Variants in MROH9 observed in about 807,000 individuals in gnomAD.
MROH9 encodes the protein maestro heat-like repeat-containing protein family member 9.
In MROH9, 92 loss-of-function variants were observed where a neutral mutation model predicts 98.2. The observed-to-expected ratio is 0.94, with a 90% CI of 0.79 to 1.11. MROH9 has a LOEUF of 1.11. MROH9 is among the 50% of genes most tolerant of loss of function. MROH9 has a pLI of 0.00. For synonymous variants in MROH9, 397 were observed against 368.9 expected (o/e 1.08, Z -0.87); for missense variants, 1,057 against 1,014.8 (o/e 1.04, Z -0.57).
intron 9 of MROH9, among the ~76,000 whole-genome samples, chr1:170,986,200 C>T (rs1432143007): frequency 6.6e-6 from 1 of 152,164 alleles, no homozygotes; most frequent in African/African-American, 2.4e-5. Context: ...CCCTTGACTT[C>T]CTCACTCTGT....
intron 13 of MROH9, 110 bp downstream of exon 13, chr1:170,995,641 G>A: frequency 1.6e-6 from 2 of 1,214,266 alleles, no homozygotes; most frequent in East Asian, 2.5e-5. Flanking sequence ...TGTGCGGTGT[G>A]TTCATTTATT....
intron 20 of MROH9, among the ~76,000 whole-genome samples, chr1:171,056,249 A>G (rs1653833516): frequency 2.0e-5 from 3 of 152,174 alleles, no homozygotes; most frequent in Admixed American, 1.3e-4. Context: ...CTCCTTGGGC[A>G]GGGGAAGTGT....
intron 1 of MROH9, among the ~76,000 whole-genome samples, chr1:170,937,474 A>G (rs1455890497): frequency 6.6e-6 from 1 of 151,868 alleles, no homozygotes; most frequent in African/African-American, 2.4e-5. Flanking sequence ...CATAATTATT[A>G]CAGTCTTCAT....
intron 20 of MROH9, among the ~76,000 whole-genome samples, chr1:171,030,482 T>C (rs1232843981): frequency 6.6e-6 from 1 of 152,146 alleles, no homozygotes; most frequent in Admixed American, 6.6e-5. Context: ...TTCCGGTACA[T>C]TGTCCCATGT....
At chr1:171,017,049 T>G (rs915088945) in intron 17 of MROH9, among the ~76,000 whole-genome samples, 1 of 152,222 alleles carries the variant, frequency 6.6e-6, no homozygotes, top group African/African-American at 2.4e-5. Flanking sequence ...AGCACAGTAT[T>G]ATTAAATTAT....
intron 12 of MROH9, among the ~76,000 whole-genome samples, chr1:170,994,340 A>C (rs933581066): frequency 1.6e-4 from 25 of 152,170 alleles, no homozygotes; most frequent in Admixed American, 1.1e-3. Context: ...TGCTGTTAGT[A>C]TACCTAAGTG....
At chr1:171,037,366 A>G (rs1653137042) in intron 20 of MROH9, among the ~76,000 whole-genome samples, 1 of 151,826 alleles carries the variant, frequency 6.6e-6, no homozygotes, top group East Asian at 1.9e-4. Flanking sequence ...AAGGAAGGAT[A>G]GACAGAAGAA....
chr1:170,992,098 G>A (rs1651377504), intron 11 of MROH9, 66 bp from the exon 12 acceptor site: 1 of 1,447,950 alleles, frequency 6.9e-7, no homozygotes, highest in Non-Finnish European at 9.1e-7. Flanking sequence ...CCTGATTCTT[G>A]TTATTCTATC....
At chr1:170,990,118 T>A in intron 11 of MROH9, 115 bp downstream of exon 11, 1 of 1,109,524 alleles carries the variant, frequency 9.0e-7, no homozygotes, top group Non-Finnish European at 1.2e-6. Context: ...TTCTTTTTTC[T>A]GAAAGAGAAA....
intron 3 of MROH9, among the ~76,000 whole-genome samples, chr1:170,948,441 T>C (rs1183714003): frequency 6.6e-6 from 1 of 152,074 alleles, no homozygotes; most frequent in Non-Finnish European, 1.5e-5. Flanking sequence ...CCATATTCTA[T>C]TAAACAGGGT....
chr1:171,005,685 T>G (rs1294448568), intron 15 of MROH9, among the ~76,000 whole-genome samples: 1 of 152,178 alleles, frequency 6.6e-6, no homozygotes, highest in Non-Finnish European at 1.5e-5. Flanking sequence ...TCATTATGGT[T>G]TTTTTTACAT....
intron 8 of MROH9, among the ~76,000 whole-genome samples, chr1:170,973,451 T>A (rs922338845): frequency 4.6e-5 from 7 of 151,976 alleles, no homozygotes; most frequent in African/African-American, 1.2e-4. Context: ...TAAAACAAGA[T>A]CTAAAAGTAT....
chr1:170,955,859 C>T lies in MROH9; in HGVS notation c.73-2602C>T, dbSNP rs542402657. Reference sequence around the variant, plus strand: ...TTTATCTTTGTTTTTATTGCATTTGCTTTTGGGTTCTTGGTCATGAAATTT... The same window carrying T: ...TTTATCTTTGTTTTTATTGCATTTGTTTTTGGGTTCTTGGTCATGAAATTT... On this transcript the variant is annotated intron_variant, in intron 3 of 21. Transcript: ENST00000367759. Among the ~76,000 whole-genome samples, 5 of 152,254 alleles carry T rather than the reference C, an allele frequency of 3.3e-5. No individual in the cohort carries two copies. The East Asian group carries it at 9.6e-4, about 29-fold the overall frequency.
intron 15 of MROH9, chr1:170,998,874 C>T (rs1375322803): frequency 8.7e-6 from 4 of 459,178 alleles, no homozygotes; most frequent in Non-Finnish European, 1.1e-5. Flanking sequence ...GTGAAGTGCC[C>T]AATACTTTCA....
At chr1:170,955,329 T>G (rs1361256498) in intron 3 of MROH9, among the ~76,000 whole-genome samples, 1 of 152,146 alleles carries the variant, frequency 6.6e-6, no homozygotes, top group African/African-American at 2.4e-5. Context: ...TGTGGGTAGA[T>G]ACCCAGTAGT....
rs1399961953 is a variant in MROH9, at chr1:170,986,590, GCTGA to G, written c.766_769del (p.Asp256LeufsTer6). ...TAGGGCAAACCTTACTGCCTCCCTT[GCTGA>G]CTGACTTTGTGCAGAGTCTCCTGAT... On this transcript the variant is annotated frameshift_variant, in exon 10 of 22. Coordinates refer to ENST00000367759, the MANE Select transcript of MROH9 (RefSeq NM_001163629.2). LOFTEE classifies it high-confidence loss of function. The G allele has an allele frequency of 6.2e-7, 1 of 1,613,566 alleles. No individual in the cohort carries two copies. The highest frequency in any genetic ancestry group is 8.5e-7 in the Non-Finnish European group (1 of 1,179,852).
chr1:170,998,440 A>G (rs1651666825), intron 15 of MROH9, 166 bp downstream of exon 15: 2 of 1,575,874 alleles, frequency 1.3e-6, no homozygotes, highest in Non-Finnish European at 1.7e-6. Flanking sequence ...GTGGAGTTAG[A>G]TCTGGGTTAT....
chr1:171,053,551 C>A (rs1168557315), intron 20 of MROH9, among the ~76,000 whole-genome samples: 3 of 152,182 alleles, frequency 2.0e-5, no homozygotes, highest in Non-Finnish European at 2.9e-5. Flanking sequence ...CAATTTCATA[C>A]ACAGTAGCTG....
chr1:170,970,727 TGTGTGAGAGAGAGAGA>T (rs1311294163), intron 7 of MROH9, among the ~76,000 whole-genome samples: 3 of 124,456 alleles, frequency 2.4e-5, no homozygotes, highest in African/African-American at 9.6e-5. Flanking sequence ...TGTGTGTGTG[TGTGTGAGAGAGAGAGA>T]GAGAGAGAGA....
Sources: gnomAD v4.1 joint callset for allele counts (sites outside exome capture counted in the v4.1 genomes callset) on GRCh38, gnomAD v4.1.1 for gene constraint, MANE v1.5 for transcripts, NCBI Gene and HGNC (gene_info 2026-07-23, HGNC 2026-07-21) for gene names.